The following DAB1 variants were observed in gnomAD, a reference collection of about 807,000 sequenced individuals.
DAB1 encodes disabled homolog 1.
In DAB1, 15 loss-of-function variants were observed where a neutral mutation model predicts 64.6. The ratio of observed to expected loss-of-function variants is 0.23; its 90% CI spans 0.16 to 0.36. The LOEUF is 0.36. Among genes scored for constraint, DAB1 ranks in the 10% least tolerant of loss-of-function variants. The pLI is 1.00. For missense variants in DAB1, 596 were observed against 706.7 expected (o/e 0.84, Z 1.78); for synonymous variants, 235 against 251.9 (o/e 0.93, Z 0.64).
chr1:57,439,418 GTTTTTTCTTTTTTTTTT>G (rs925629336), intron 7 of DAB1, among the ~76,000 whole-genome samples: 1 of 116,140 alleles, frequency 8.6e-6, no homozygotes, highest in African/African-American at 3.5e-5. Context: ...TGGTGATGAG[GTTTTTTCTTTTTTTTTT>G]TTTTTTTTTT....
At chr1:58,516,341 C>T (rs1022948239) in intron 2 of DAB1, among the ~76,000 whole-genome samples, 7 of 152,156 alleles carry the variant, frequency 4.6e-5, no homozygotes, top group African/African-American at 1.2e-4. Context: ...AAAGTCATTT[C>T]TATAATGACT....
chr1:58,304,261 G>T (rs1662249047), intron 4 of DAB1, among the ~76,000 whole-genome samples: 1 of 152,124 alleles, frequency 6.6e-6, no homozygotes, highest in Non-Finnish European at 1.5e-5. Flanking sequence ...CACTGGTCAT[G>T]GTTTTACCTG....
chr1:57,409,755 G>C (rs1158890602), intron 1 of DAB1, among the ~76,000 whole-genome samples: 1 of 152,198 alleles, frequency 6.6e-6, no homozygotes, highest in Non-Finnish European at 1.5e-5. Context: ...GTTGCAGTGA[G>C]CTGAGATTGT....
intron 7 of DAB1, among the ~76,000 whole-genome samples, chr1:57,612,319 C>T (rs1381552313): frequency 1.3e-5 from 2 of 151,858 alleles, no homozygotes; most frequent in African/African-American, 4.8e-5. Flanking sequence ...TGTCCTAATC[C>T]CCAAAACCTG....
chr1:57,714,070 G>A (rs956984039), intron 6 of DAB1, among the ~76,000 whole-genome samples: 1 of 152,104 alleles, frequency 6.6e-6, no homozygotes. Context: ...TCTGGTGGGG[G>A]AAGTAGATGA....
chr1:57,997,160 C>CCT (rs2100392776), intron 5 of DAB1, among the ~76,000 whole-genome samples: 1 of 152,302 alleles, frequency 6.6e-6, no homozygotes, highest in East Asian at 1.9e-4. Context: ...TGGGCACCAG[C>CCT]ATGTTCACTA....
At chr1:58,355,796 T>G (rs940518280) in intron 3 of DAB1, among the ~76,000 whole-genome samples, 1 of 152,194 alleles carries the variant, frequency 6.6e-6, no homozygotes, top group Non-Finnish European at 1.5e-5. Flanking sequence ...TCATACCTCC[T>G]GTGTTATAAG....
At chr1:57,748,927 G>A (rs2101800936) in intron 6 of DAB1, among the ~76,000 whole-genome samples, 1 of 152,320 alleles carries the variant, frequency 6.6e-6, no homozygotes, top group East Asian at 1.9e-4. Context: ...ATGTGAAATT[G>A]TGCATGAATA....
chr1:57,424,739 G>A (rs1393396522), upstream of DAB1, among the ~76,000 whole-genome samples: 1 of 152,194 alleles, frequency 6.6e-6, no homozygotes, highest in African/African-American at 2.4e-5. Context: ...CAGGTTCGGC[G>A]GCTCCTGTTT....
intron 3 of DAB1, among the ~76,000 whole-genome samples, chr1:58,408,629 A>G (rs1037799173): frequency 6.6e-6 from 1 of 152,168 alleles, no homozygotes; most frequent in African/African-American, 2.4e-5. Flanking sequence ...TTTACATTAT[A>G]TTGAGAAGTG....
At chr1:58,044,516 G>A (rs555237272) in intron 5 of DAB1, among the ~76,000 whole-genome samples, 1 of 151,902 alleles carries the variant, frequency 6.6e-6, no homozygotes, top group Non-Finnish European at 1.5e-5. Context: ...TGTTTTCTGA[G>A]TGTCTCTTGT....
intron 6 of DAB1, among the ~76,000 whole-genome samples, chr1:57,698,134 C>T (rs563876930): frequency 2.4e-4 from 37 of 151,732 alleles, no homozygotes; most frequent in Admixed American, 2.0e-3. Context: ...CACCCAGCCT[C>T]GAATGACAGT....
chr1:58,531,571 ATGAC>A (rs1646434056), intron 1 of DAB1, among the ~76,000 whole-genome samples: 1 of 152,220 alleles, frequency 6.6e-6, no homozygotes, highest in South Asian at 2.1e-4. Flanking sequence ...TGTATGAAAA[ATGAC>A]TGAAAACTAA....
rs77364234 is a variant in DAB1, at chr1:58,123,366, C to A, written n.387+27145G>T. ...ACATTTTCCTAAGTCCTTACTCCATCTGAAAGCATCTTTAAATCCAGAGCT... is the reference window on the plus strand; with the variant it reads ...ACATTTTCCTAAGTCCTTACTCCATATGAAAGCATCTTTAAATCCAGAGCT... On this transcript the variant is annotated intron_variant and non_coding_transcript_variant, in intron 5 of 20. Transcript: ENST00000485760. Among the ~76,000 whole-genome samples, 1,012 of 152,288 alleles carry A rather than the reference C, an allele frequency of 6.6e-3. 12 individuals are homozygous for A. The highest frequency in any genetic ancestry group is 0.024 in the African/African-American group (982 of 41,570).
chr1:58,401,449 T>A (rs1279419367), intron 3 of DAB1, among the ~76,000 whole-genome samples: 1 of 151,866 alleles, frequency 6.6e-6, no homozygotes, highest in South Asian at 2.1e-4. Context: ...CCTTCCTCAA[T>A]TCTTTGCTCA....
chr1:57,947,136 G>C (rs11207130), intron 5 of DAB1, among the ~76,000 whole-genome samples: 56,723 of 151,854 alleles, frequency 0.37, 11,420 homozygotes, highest in Admixed American at 0.47. Flanking sequence ...GTCAAAATAT[G>C]AGGAAACGAG....
chr1:58,034,794 C>T (rs1303088293), intron 5 of DAB1, among the ~76,000 whole-genome samples: 1 of 152,104 alleles, frequency 6.6e-6, no homozygotes, highest in Admixed American at 6.5e-5. Context: ...GTTTTGCAGC[C>T]ACCTACCCTC....
At chr1:58,099,540 G>C (rs139373712) in intron 5 of DAB1, among the ~76,000 whole-genome samples, 1 of 152,150 alleles carries the variant, frequency 6.6e-6, no homozygotes, top group African/African-American at 2.4e-5. Flanking sequence ...TTTGCTATGC[G>C]CCAGGCAGGT....
At chr1:58,083,420 T>C (rs1377428218) in intron 5 of DAB1, among the ~76,000 whole-genome samples, 1 of 152,190 alleles carries the variant, frequency 6.6e-6, no homozygotes, top group African/African-American at 2.4e-5. Flanking sequence ...GCTGGTTTCA[T>C]CATCTATGCC....
Sources: allele counts gnomAD v4.1 joint callset (sites outside exome capture counted in the v4.1 genomes callset), GRCh38; gene constraint gnomAD v4.1.1; transcripts MANE v1.5; gene names NCBI Gene and HGNC (gene_info 2026-07-23, HGNC 2026-07-21).